The following PTPRD variants were observed in gnomAD, a reference collection of about 807,000 sequenced individuals.
PTPRD encodes the protein protein tyrosine phosphatase receptor type D, also known as receptor-type tyrosine-protein phosphatase delta.
In PTPRD, 34 loss-of-function variants were observed where a neutral mutation model predicts 214.5. That is an observed-to-expected ratio of 0.16 (90% CI 0.12 to 0.21). PTPRD has a LOEUF of 0.21. PTPRD is among the 10% of genes least tolerant of loss of function. PTPRD has a pLI of 1.00. For missense variants in PTPRD, 2,545 were observed against 2,398.7 expected (o/e 1.06, Z -1.27); for synonymous variants, 1,128 against 845.7 (o/e 1.33, Z -5.79).
intron 8 of PTPRD, among the ~76,000 whole-genome samples, chr9:9,449,310 T>C (rs1168296673): frequency 6.6e-6 from 1 of 152,120 alleles, no homozygotes; most frequent in African/African-American, 2.4e-5. Context: ...TAATGTAAGA[T>C]TATCTCAAAC....
intron 44 of PTPRD, among the ~76,000 whole-genome samples, chr9:8,330,129 G>T (rs1838495787): frequency 6.6e-6 from 1 of 152,088 alleles, no homozygotes; most frequent in Non-Finnish European, 1.5e-5. Flanking sequence ...CTAGGAAAGG[G>T]AAATCCCCTG....
chr9:9,841,038 G>A (rs1179343442), intron 5 of PTPRD, among the ~76,000 whole-genome samples: 2 of 152,090 alleles, frequency 1.3e-5, no homozygotes, highest in Admixed American at 1.3e-4. Context: ...GGGAGCTGAA[G>A]CTGCACTGGA....
At chr9:10,060,922 TTC>T (rs2097765045) in intron 3 of PTPRD, among the ~76,000 whole-genome samples, 1 of 127,160 alleles carries the variant, frequency 7.9e-6, no homozygotes. Context: ...CTTTCTTTCT[TTC>T]TTTCTTTCTT....
At chr9:9,705,837 A>G (rs1409600948) in intron 7 of PTPRD, among the ~76,000 whole-genome samples, 1 of 152,126 alleles carries the variant, frequency 6.6e-6, no homozygotes, top group African/African-American at 2.4e-5. Flanking sequence ...TATGACATTA[A>G]TATTTACTCA....
chr9:8,744,070 G>A (rs1031162142), intron 11 of PTPRD, among the ~76,000 whole-genome samples: 1 of 152,064 alleles, frequency 6.6e-6, no homozygotes, highest in Non-Finnish European at 1.5e-5. Flanking sequence ...AATGATCAGA[G>A]AAATGCAAAT....
intron 5 of PTPRD, among the ~76,000 whole-genome samples, chr9:9,935,208 T>C (rs1051347619): frequency 1.3e-5 from 2 of 151,792 alleles, no homozygotes; most frequent in African/African-American, 4.8e-5. Context: ...CAACATAGTG[T>C]TGGAAGTTCT....
chr9:9,953,051 C>T (rs2093594980), intron 4 of PTPRD, among the ~76,000 whole-genome samples: 3 of 152,132 alleles, frequency 2.0e-5, no homozygotes, highest in South Asian at 4.1e-4. Context: ...TTAGTATCAA[C>T]ATCAAAGACT....
chr9:8,819,584 C>G (rs1451142131), intron 11 of PTPRD, among the ~76,000 whole-genome samples: 3 of 152,094 alleles, frequency 2.0e-5, no homozygotes, highest in Non-Finnish European at 4.4e-5. Flanking sequence ...TCACTTGAAC[C>G]TTGGAGGCAG....
chr9:10,173,029 G>T (rs1564313117), intron 3 of PTPRD, among the ~76,000 whole-genome samples: 1 of 152,096 alleles, frequency 6.6e-6, no homozygotes, highest in Non-Finnish European at 1.5e-5. Context: ...GCCATTGATT[G>T]GTGAGTATTA....
chr9:9,525,474 T>C (rs2073907818), intron 8 of PTPRD, among the ~76,000 whole-genome samples: 1 of 152,156 alleles, frequency 6.6e-6, no homozygotes, highest in African/African-American at 2.4e-5. Context: ...GTTAGAGGGA[T>C]GTTTCACAAA....
chr9:9,202,228 C>T (rs1569561779), intron 9 of PTPRD, among the ~76,000 whole-genome samples: 1 of 152,180 alleles, frequency 6.6e-6, no homozygotes, highest in Non-Finnish European at 1.5e-5. Context: ...TAAATTTGCA[C>T]TCTATTATAA....
intron 4 of PTPRD, among the ~76,000 whole-genome samples, chr9:9,982,117 G>A (rs920218347): frequency 1.3e-5 from 2 of 152,136 alleles, no homozygotes; most frequent in African/African-American, 4.8e-5. Context: ...CCGAACATAT[G>A]GTGAAGCACG....
At chr9:9,182,331 C>A (rs1442342509) in intron 10 of PTPRD, among the ~76,000 whole-genome samples, 1 of 151,868 alleles carries the variant, frequency 6.6e-6, no homozygotes, top group Non-Finnish European at 1.5e-5. Flanking sequence ...GGGATAGGGA[C>A]GGTGATATTC....
At chr9:9,391,553 G>A (rs1261389533) in intron 9 of PTPRD, among the ~76,000 whole-genome samples, 1 of 152,066 alleles carries the variant, frequency 6.6e-6, no homozygotes, top group Non-Finnish European at 1.5e-5. Context: ...TTCTTTGATT[G>A]TACAATTATC....
chr9:10,418,273 A>G (rs186158470), intron 2 of PTPRD, among the ~76,000 whole-genome samples: 56 of 151,986 alleles, frequency 3.7e-4, no homozygotes, highest in East Asian at 7.8e-4. Flanking sequence ...ATGTTTCCCA[A>G]TGGTATAATT....
chr9:8,944,959 C>G (rs749536911), intron 11 of PTPRD, among the ~76,000 whole-genome samples: 39 of 151,948 alleles, frequency 2.6e-4, no homozygotes, highest in Non-Finnish European at 5.0e-4. Context: ...TAGATACCCC[C>G]TTTACTCTGA....
At chr9:9,464,485 T>C (rs2146092645) in intron 8 of PTPRD, among the ~76,000 whole-genome samples, 1 of 152,344 alleles carries the variant, frequency 6.6e-6, no homozygotes, top group Admixed American at 6.5e-5. Context: ...CTCCTGTGAC[T>C]ATATATTGCT....
intron 2 of PTPRD, among the ~76,000 whole-genome samples, chr9:10,495,512 C>T: frequency 6.6e-6 from 1 of 151,862 alleles, no homozygotes; most frequent in East Asian, 1.9e-4. Flanking sequence ...ATTATCCTCT[C>T]TGATAATAAT....
intron 7 of PTPRD, among the ~76,000 whole-genome samples, chr9:9,633,624 A>C (rs1285118684): frequency 1.3e-5 from 2 of 152,174 alleles, no homozygotes; most frequent in Admixed American, 1.3e-4. Context: ...CAGTCTGGTT[A>C]ATCTTATTAT....
Sources: gnomAD v4.1 joint callset for allele counts (sites outside exome capture counted in the v4.1 genomes callset) on GRCh38, gnomAD v4.1.1 for gene constraint, MANE v1.5 for transcripts, NCBI Gene and HGNC (gene_info 2026-07-23, HGNC 2026-07-21) for gene names.